The following TRPA1 variants were observed in gnomAD, a reference collection of about 807,000 sequenced individuals.
TRPA1 encodes transient receptor potential cation channel subfamily A member 1.
In TRPA1, 129 loss-of-function variants were observed where a neutral mutation model predicts 131.3. That is an observed-to-expected ratio of 0.98 (90% CI 0.85 to 1.14). The LOEUF (loss-of-function observed/expected upper bound fraction) is 1.14, where lower values mean the gene tolerates loss of function less well. Among genes scored for constraint, TRPA1 ranks in the 50% most tolerant of loss-of-function variants. TRPA1 has a pLI of 0.00. For synonymous variants in TRPA1, 441 were observed against 451.7 expected, an observed-to-expected ratio of 0.98 and a Z score of 0.30; for missense variants, 1,304 against 1,354.2, an observed-to-expected ratio of 0.96 and a Z score of 0.58.
rs762183740 is a variant in TRPA1 at position 72,033,691 on chromosome 8, G to T, written c.2821C>A (p.Leu941Ile). The T allele has an allele frequency of 3.2e-5, 52 of 1,613,976 alleles. No homozygotes were observed. The South Asian group carries it at 5.3e-4, about 16-fold the overall frequency. ...LAHPVLSFAQLVSFTIFVPIV... is the reference protein window; with the variant it reads ...LAHPVLSFAQIVSFTIFVPIV... ...GGGACAAATATTGTGAAGGAAACAA[G>T]TTGTGCAAAGGACAGAACTGGATGT... The change falls in exon 23 of 27, where the codon CTT (leucine) becomes ATT (isoleucine). Residue 941 changes from leucine to isoleucine, a missense_variant. Leu to Ile is a conservative substitution (Grantham distance 5). Transcript: ENST00000262209.
At position 72,052,965 on chromosome 8, in the gene TRPA1, C is replaced by CTGTGTGTGTG. The variant is rs57129422; in HGVS notation, c.1645-210_1645-201dup. The CTGTGTGTGTG allele has an allele frequency of 4.3e-3, 1,395 of 322,634 alleles. 39 individuals are homozygous for CTGTGTGTGTG. The highest frequency in any genetic ancestry group is 0.02 in the African/African-American group (782 of 39,332). 20.0% of individuals were successfully genotyped at this position (322,634 alleles called of 1,614,324 possible). A position where few individuals can be genotyped will look rare whatever the true frequency, so the allele number is the denominator to read the frequency against. ...GTGTGTGCATGTGTGGGAAGTGGAT[C>CTGTGTGTGTG]TGTGTGTGTGTGTGTGTGTGTGTGT... On this transcript the variant is annotated intron_variant, in intron 13 of 26. Coordinates refer to ENST00000262209, the MANE Select transcript of TRPA1 (RefSeq NM_007332.3).
chr8:72,079,636 A>G (rs1806252460), upstream of TRPA1, among the ~76,000 whole-genome samples: 1 of 151,980 alleles, frequency 6.6e-6, no homozygotes, highest in African/African-American at 2.4e-5. Context: ...TCAGATGGGT[A>G]GTATGATGGT....
At chr8:72,072,558 C>T (rs1806087981) in intron 1 of TRPA1, among the ~76,000 whole-genome samples, 2 of 152,146 alleles carry the variant, frequency 1.3e-5, no homozygotes. Flanking sequence ...TTAGTGACTA[C>T]AGGATATGAC....
intron 17 of TRPA1, 68 bp downstream of exon 17, chr8:72,046,445 T>A (rs1563391421): frequency 8.2e-6 from 8 of 972,012 alleles, no homozygotes; most frequent in Non-Finnish European, 1.2e-5. Context: ...ACCCTAAAAC[T>A]TAAAGTATAA....
intron 19 of TRPA1, 24 bp from the exon 20 acceptor site, chr8:72,038,096 CAT>C (rs760436223): frequency 1.7e-6 from 2 of 1,182,436 alleles, no homozygotes; most frequent in African/African-American, 1.5e-5. Flanking sequence ...GGATAAGACA[CAT>C]AGTTATGAGA....
chr8:72,087,271 T>C, the TRPA1 span, among the ~76,000 whole-genome samples: 12 of 152,212 alleles, frequency 7.9e-5, no homozygotes, highest in East Asian at 2.1e-3. Context: ...ATGCCCTCTG[T>C]TGAAATCAGG....
chr8:72,033,617 C>T, intron 23 of TRPA1, 27 bp downstream of exon 23: 1 of 1,588,788 alleles, frequency 6.3e-7, no homozygotes, highest in Non-Finnish European at 8.6e-7. Context: ...GATCAACAAA[C>T]AGAAAATATA....
intron 3 of TRPA1, among the ~76,000 whole-genome samples, chr8:72,066,789 A>G (rs1024948214): frequency 1.3e-5 from 2 of 152,312 alleles, no homozygotes; most frequent in East Asian, 3.9e-4. Context: ...TAGATCATAA[A>G]GGTATAGCTG....
At chr8:72,037,893 C>T (rs893418443) in intron 20 of TRPA1, 90 bp downstream of exon 20, 9 of 776,872 alleles carry the variant, frequency 1.2e-5, no homozygotes, top group Non-Finnish European at 2.0e-5. Context: ...TTTATTATGA[C>T]ATAATATCTC....
chr8:72,074,616 C>G (rs1052263352), intron 1 of TRPA1, among the ~76,000 whole-genome samples: 2 of 152,122 alleles, frequency 1.3e-5, no homozygotes, highest in Non-Finnish European at 2.9e-5. Context: ...CAGCCTCTAT[C>G]CCTTAGACTA....
At chr8:72,044,779 C>T (rs929843911) in intron 17 of TRPA1, among the ~76,000 whole-genome samples, 2 of 151,912 alleles carry the variant, frequency 1.3e-5, no homozygotes, top group African/African-American at 4.8e-5. Context: ...AAGAGCCCCA[C>T]TCAGCTCACT....
chr8:72,026,026 T>C lies in TRPA1; in HGVS notation c.2985A>G (p.Leu995=), dbSNP rs755041648. The change falls in exon 25 of 27, where the codon CTA becomes CTG. Residue 995 remains leucine, a synonymous_variant. Transcript: ENST00000262209. Reference sequence around the variant, plus strand: ...TGGTGGATTTCTGATCCACTTTGCGTAGAAACCAAAGTGGCAGCTTCTTCT... The same window carrying C: ...TGGTGGATTTCTGATCCACTTTGCGCAGAAACCAAAGTGGCAGCTTCTTCT... The part of the protein sequence containing the change: ...SLEKKLPLWF[L]RKVDQKSTIV... 1.1e-5 allele frequency: 18 copies of C among 1,613,928 alleles called. 1 individual carries two copies. In the Admixed American group the frequency reaches 1.2e-4, roughly 10 times the overall value.
At chr8:72,043,058 T>G (rs912630616) in intron 17 of TRPA1, among the ~76,000 whole-genome samples, 1 of 151,916 alleles carries the variant, frequency 6.6e-6, no homozygotes, top group African/African-American at 2.4e-5. Flanking sequence ...TTTAACTTTA[T>G]GCTTTTTACC....
intron 13 of TRPA1, chr8:72,053,297 C>T: frequency 5.0e-6 from 1 of 199,336 alleles, no homozygotes; most frequent in South Asian, 9.2e-5. Context: ...TTGAAAAAGG[C>T]AACAACAGTC....
At chr8:72,039,586 C>G in intron 18 of TRPA1, 141 bp downstream of exon 18, 2 of 613,772 alleles carry the variant, frequency 3.3e-6, no homozygotes, top group Non-Finnish European at 2.9e-6. Context: ...GGGCATTTGC[C>G]TTACTTATTT....
In TRPA1 at chr8:72,021,777, T is replaced by G. The variant is rs772601907; in HGVS notation, c.*1129A>C. 3 of 152,058 alleles carry G rather than the reference T, an allele frequency of 2.0e-5. No individual in the cohort carries two copies. Among genetic ancestry groups the G allele is most frequent in the Non-Finnish European group, 2.9e-5 (2 of 68,008 alleles). 9.4% of individuals were successfully genotyped at this position (152,058 alleles called of 1,614,324 possible). ...TGGAATACAGTAACACAGTTGTATC[T>G]TGTAAACATCATGTCCAGTAAAAAG... On this transcript the variant is annotated 3_prime_UTR_variant, in exon 27 of 27. Transcript: ENST00000262209.
At chr8:72,036,187 A>G (rs1812043728) in intron 21 of TRPA1, 101 bp downstream of exon 21, 2 of 1,241,942 alleles carry the variant, frequency 1.6e-6, no homozygotes, top group Non-Finnish European at 2.3e-6. Flanking sequence ...AAACAACTGG[A>G]AAAGGAATAA....
chr8:72,041,982 AAGG>A (rs1812268187), intron 17 of TRPA1, among the ~76,000 whole-genome samples: 1 of 152,000 alleles, frequency 6.6e-6, no homozygotes, highest in Admixed American at 6.6e-5. Context: ...ATTAAGGAAA[AAGG>A]AGAGATGATT....
intron 10 of TRPA1, chr8:72,056,167 T>C: frequency 8.0e-6 from 3 of 376,300 alleles, no homozygotes; most frequent in South Asian, 7.8e-5. Flanking sequence ...TCATGGCCCT[T>C]CCCTCTGCCC....
Sources: allele counts gnomAD v4.1 joint callset (sites outside exome capture counted in the v4.1 genomes callset), GRCh38; gene constraint gnomAD v4.1.1; transcripts MANE v1.5; gene names NCBI Gene and HGNC (gene_info 2026-07-23, HGNC 2026-07-21).